Variants in FAM107B observed in about 807,000 individuals in gnomAD.
FAM107B encodes protein FAM107B.
FAM107B carries 21 observed loss-of-function variants against 31.5 expected under a neutral mutation model. The ratio of observed to expected loss-of-function variants is 0.67; its 90% CI spans 0.47 to 0.96. The LOEUF is 0.96. Among genes scored for constraint, FAM107B ranks in the 40% least tolerant of loss-of-function variants. FAM107B has a pLI of 0.00. For missense variants in FAM107B, 452 were observed against 377.1 expected (o/e 1.20, Z -1.64); for synonymous variants, 157 against 141.5 (o/e 1.11, Z -0.78).
chr10:14,528,909 G>C (rs548418542), intron 3 of FAM107B, among the ~76,000 whole-genome samples: 153 of 152,272 alleles, frequency 1.0e-3, no homozygotes, highest in Non-Finnish European at 1.7e-3. Flanking sequence ...CCTTTATTCT[G>C]ACTTGGAGCC....
intron 2 of FAM107B, among the ~76,000 whole-genome samples, chr10:14,539,297 C>G (rs1434235025): frequency 2.6e-5 from 4 of 152,110 alleles, no homozygotes; most frequent in African/African-American, 9.7e-5. Flanking sequence ...TACCCAAGAC[C>G]CAGCTGGTAT....
chr10:14,710,199 T>C (rs1019114862), intron 1 of FAM107B, among the ~76,000 whole-genome samples: 1 of 152,154 alleles, frequency 6.6e-6, no homozygotes, highest in East Asian at 1.9e-4. Flanking sequence ...TACTTTCTGC[T>C]AGATTTTCTT....
chr10:14,753,892 T>G (rs989786765), intron 1 of FAM107B, among the ~76,000 whole-genome samples: 1 of 151,980 alleles, frequency 6.6e-6, no homozygotes, highest in Non-Finnish European at 1.5e-5. Context: ...AAAAAAATCT[T>G]GAATCCAACT....
chr10:14,619,066 G>T lies in FAM107B; in HGVS notation c.469+48568C>A, dbSNP rs964400567. ...ACCAGAGGTTAGAAGACATGAGGAA[G>T]GAAACTCTCCTATAACCTTCAGAGG... On this transcript the variant is annotated intron_variant, in intron 2 of 4. Transcript: ENST00000181796. 7.2e-5 allele frequency among the ~76,000 whole-genome samples: 11 copies of T among 152,186 alleles called. 1 individual carries two copies. The highest frequency in any genetic ancestry group is 5.2e-4 in the Admixed American group (8 of 15,278).
chr10:14,676,912 T>C (rs1305412698), intron 1 of FAM107B, among the ~76,000 whole-genome samples: 1 of 152,190 alleles, frequency 6.6e-6, no homozygotes, highest in African/African-American at 2.4e-5. Context: ...GTGATTGCTG[T>C]AGGGAGCCAG....
At chr10:14,560,720 G>A (rs1185786659) in intron 2 of FAM107B, among the ~76,000 whole-genome samples, 2 of 152,206 alleles carry the variant, frequency 1.3e-5, no homozygotes, top group Non-Finnish European at 2.9e-5. Context: ...CTATGTAAAT[G>A]TCTGGTGCAC....
At chr10:14,743,264 G>T (rs1418066018) in intron 1 of FAM107B, among the ~76,000 whole-genome samples, 1 of 151,930 alleles carries the variant, frequency 6.6e-6, no homozygotes, top group Non-Finnish European at 1.5e-5. Flanking sequence ...TTATAGCTTT[G>T]TCAGATGGAT....
intron 2 of FAM107B, among the ~76,000 whole-genome samples, chr10:14,613,027 A>G (rs1488622905): frequency 6.6e-6 from 1 of 152,174 alleles, no homozygotes; most frequent in African/African-American, 2.4e-5. Flanking sequence ...GCTAGAGTGC[A>G]GCGGCGCAAT....
At chr10:14,665,164 A>G (rs1854374107) in intron 2 of FAM107B, among the ~76,000 whole-genome samples, 1 of 152,240 alleles carries the variant, frequency 6.6e-6, no homozygotes, top group African/African-American at 2.4e-5. Flanking sequence ...ATACCTGCTG[A>G]TCACAGATAA....
At chr10:14,581,136 T>A (rs890910570) in intron 2 of FAM107B, among the ~76,000 whole-genome samples, 14 of 152,180 alleles carry the variant, frequency 9.2e-5, no homozygotes, top group African/African-American at 3.4e-4. Context: ...CACGCACATA[T>A]CTGCAATCGG....
chr10:14,532,567 CTGAAT>C (rs1289312525), intron 2 of FAM107B: 2 of 152,182 alleles, frequency 1.3e-5, no homozygotes, highest in African/African-American at 4.8e-5. Flanking sequence ...GCAACCTGAA[CTGAAT>C]TGAGAATTAC....
At chr10:14,732,721 T>C (rs1182811973) in intron 1 of FAM107B, among the ~76,000 whole-genome samples, 5 of 150,438 alleles carry the variant, frequency 3.3e-5, no homozygotes, top group Non-Finnish European at 5.9e-5. Flanking sequence ...ATAATAATAA[T>C]ATCATATAAT....
chr10:14,596,525 AGAT>A (rs1192065784), intron 2 of FAM107B, among the ~76,000 whole-genome samples: 2 of 152,142 alleles, frequency 1.3e-5, no homozygotes, highest in Admixed American at 1.3e-4. Context: ...GTCACATATA[AGAT>A]GATTAAAAAC....
intron 2 of FAM107B, among the ~76,000 whole-genome samples, chr10:14,603,599 G>A (rs1852476616): frequency 6.6e-6 from 1 of 152,216 alleles, no homozygotes; most frequent in Non-Finnish European, 1.5e-5. Context: ...CCACCTCCAA[G>A]GGACCTAAAG....
chr10:14,658,294 C>T (rs1378223407), intron 2 of FAM107B, among the ~76,000 whole-genome samples: 1 of 152,180 alleles, frequency 6.6e-6, no homozygotes, highest in African/African-American at 2.4e-5. Context: ...AGCATTTCCC[C>T]TAAGAAAAGA....
intron 1 of FAM107B, among the ~76,000 whole-genome samples, chr10:14,676,899 C>G (rs1190292005): frequency 6.6e-6 from 1 of 152,190 alleles, no homozygotes; most frequent in Admixed American, 6.5e-5. Flanking sequence ...GTCAGCCACC[C>G]GGGTGATTGC....
At chr10:14,573,075 C>T (rs1371576677) in intron 2 of FAM107B, among the ~76,000 whole-genome samples, 1 of 152,116 alleles carries the variant, frequency 6.6e-6, no homozygotes, top group Non-Finnish European at 1.5e-5. Flanking sequence ...AACTCCTGCA[C>T]CAAGCCCAGT....
intron 2 of FAM107B, among the ~76,000 whole-genome samples, chr10:14,642,963 C>T (rs1308042887): frequency 6.6e-6 from 1 of 152,108 alleles, no homozygotes; most frequent in Non-Finnish European, 1.5e-5. Flanking sequence ...AGTGTGCACC[C>T]CCAAATTCTT....
At chr10:14,610,392 G>A (rs770399022) in intron 2 of FAM107B, among the ~76,000 whole-genome samples, 29 of 152,080 alleles carry the variant, frequency 1.9e-4, no homozygotes, top group Non-Finnish European at 3.1e-4. Flanking sequence ...CATTTAAATA[G>A]CATAATCATG....
Sources: allele counts gnomAD v4.1 joint callset (sites outside exome capture counted in the v4.1 genomes callset), GRCh38; gene constraint gnomAD v4.1.1; transcripts MANE v1.5; gene names NCBI Gene and HGNC (gene_info 2026-07-23, HGNC 2026-07-21).